Variants in PEAK1 observed in about 807,000 individuals in gnomAD.
The protein encoded by PEAK1 is inactive tyrosine-protein kinase PEAK1.
A neutral mutation model predicts 124.7 loss-of-function variants in PEAK1; 54 were observed. That is an observed-to-expected ratio of 0.43 (90% CI 0.35 to 0.54). PEAK1 has a LOEUF of 0.54. PEAK1 is among the 20% of genes least tolerant of loss of function. The pLI, the probability that PEAK1 is intolerant of heterozygous loss-of-function variation, is 0.01. For synonymous variants in PEAK1, 719 were observed against 760.0 expected (o/e 0.95, Z 0.89); for missense variants, 2,046 against 2,134.5 (o/e 0.96, Z 0.82).
chr15:77,154,244 CTTCT>C (rs1446777653), intron 8 of PEAK1, among the ~76,000 whole-genome samples: 2 of 152,158 alleles, frequency 1.3e-5, no homozygotes, highest in Non-Finnish European at 2.9e-5. Flanking sequence ...ATGTAATGGC[CTTCT>C]TTGTCTCTTT....
chr15:77,294,171 T>C (rs1416501279), intron 2 of PEAK1, among the ~76,000 whole-genome samples: 1 of 152,226 alleles, frequency 6.6e-6, no homozygotes, highest in East Asian at 1.9e-4. Context: ...CTTGATGGCC[T>C]GATCTCTGAA....
exon 7 of PEAK1, chr15:77,102,852 C>G (rs957558654): frequency 6.6e-6 from 1 of 152,092 alleles, no homozygotes; most frequent in Admixed American, 6.5e-5. Context: ...GTTCCTCCAA[C>G]TGACTCTGAA....
chr15:77,193,046 A>C (rs2057920954), intron 6 of PEAK1, among the ~76,000 whole-genome samples: 1 of 152,210 alleles, frequency 6.6e-6, no homozygotes, highest in African/African-American at 2.4e-5. Flanking sequence ...TCTTTCCCCA[A>C]ATTTACAATC....
chr15:77,339,721 T>C (rs148657099), intron 2 of PEAK1, among the ~76,000 whole-genome samples: 160 of 152,298 alleles, frequency 1.1e-3, no homozygotes, highest in African/African-American at 3.6e-3. Flanking sequence ...ACAAGTCACA[T>C]ACTGAGAGAA....
At chr15:77,255,155 C>G (rs1428026853) in intron 5 of PEAK1, among the ~76,000 whole-genome samples, 1 of 152,078 alleles carries the variant, frequency 6.6e-6, no homozygotes, top group Non-Finnish European at 1.5e-5. Context: ...TCTAAATTAT[C>G]AAAACAACGA....
chr15:77,405,284 G>T (rs756499236), intron 1 of PEAK1, among the ~76,000 whole-genome samples: 2 of 152,064 alleles, frequency 1.3e-5, no homozygotes, highest in Non-Finnish European at 2.9e-5. Context: ...GATTACAGGC[G>T]TGAGCCACCA....
intron 1 of PEAK1, among the ~76,000 whole-genome samples, chr15:77,387,685 T>G (rs958053974): frequency 4.6e-5 from 7 of 152,156 alleles, no homozygotes; most frequent in Admixed American, 2.6e-4. Context: ...TAAAGTTACT[T>G]GAGGAAGCTA....
chr15:77,368,795 G>A (rs753841929), intron 1 of PEAK1, among the ~76,000 whole-genome samples: 1 of 152,082 alleles, frequency 6.6e-6, no homozygotes, highest in African/African-American at 2.4e-5. Flanking sequence ...TGGGGACAAG[G>A]GATTACGACT....
chr15:77,259,158 A>G (rs1433590841), intron 5 of PEAK1, among the ~76,000 whole-genome samples: 2 of 152,178 alleles, frequency 1.3e-5, no homozygotes, highest in Admixed American at 1.3e-4. Context: ...TACAGATAAC[A>G]CTTACCAAAT....
At chr15:77,174,488 A>G (rs2056720066) in intron 7 of PEAK1, among the ~76,000 whole-genome samples, 1 of 152,202 alleles carries the variant, frequency 6.6e-6, no homozygotes, top group South Asian at 2.1e-4. Flanking sequence ...GTAAATACCA[A>G]TGGTGTATCC....
intron 6 of PEAK1, among the ~76,000 whole-genome samples, chr15:77,226,103 C>A (rs1039133529): frequency 4.5e-5 from 6 of 133,832 alleles, no homozygotes; most frequent in South Asian, 4.6e-4. Flanking sequence ...CACACATACA[C>A]ACATATATAT....
At chr15:77,285,746 C>T (rs955921741) in intron 3 of PEAK1, among the ~76,000 whole-genome samples, 2 of 151,838 alleles carry the variant, frequency 1.3e-5, no homozygotes, top group Non-Finnish European at 2.9e-5. Context: ...TTTGATTCTT[C>T]TCTCTTTTCT....
At chr15:77,221,385 T>G (rs2059384961) in intron 6 of PEAK1, among the ~76,000 whole-genome samples, 1 of 152,132 alleles carries the variant, frequency 6.6e-6, no homozygotes, top group African/African-American at 2.4e-5. Context: ...ATTAACCAGG[T>G]TTTATATTAA....
chr15:77,405,192 G>A (rs2071714122), intron 1 of PEAK1, among the ~76,000 whole-genome samples: 1 of 152,042 alleles, frequency 6.6e-6, no homozygotes, highest in Non-Finnish European at 1.5e-5. Context: ...TTTTAGTAGG[G>A]ATGGGGTTTC....
At chr15:77,269,912 C>T (rs1023074225) in intron 5 of PEAK1, among the ~76,000 whole-genome samples, 1 of 152,082 alleles carries the variant, frequency 6.6e-6, no homozygotes, top group African/African-American at 2.4e-5. Flanking sequence ...TTATTTCTGC[C>T]TTCATTTTGT....
chr15:77,267,574 T>C lies in PEAK1; in HGVS notation c.-274-15048A>G, dbSNP rs569709142. ...TACTCCCCTGTACTAGCCCAGAGCC[T>C]AACAGCTCTGCTGGGTGGCTAGATC... On this transcript the variant is annotated intron_variant, in intron 5 of 9. Transcript: ENST00000682557. Among the ~76,000 whole-genome samples, 3 of 152,264 alleles carry C rather than the reference T, an allele frequency of 2.0e-5. No individual in the cohort carries two copies. In the East Asian group the frequency reaches 5.8e-4, roughly 29 times the overall value.
chr15:77,204,104 G>T (rs1308623844), intron 6 of PEAK1, among the ~76,000 whole-genome samples: 3 of 149,390 alleles, frequency 2.0e-5, no homozygotes, highest in African/African-American at 7.3e-5. Flanking sequence ...GTGTGCAAAA[G>T]ACCTGAAGAA....
intron 2 of PEAK1, among the ~76,000 whole-genome samples, chr15:77,304,527 C>A (rs556359563): frequency 5.6e-4 from 81 of 144,288 alleles, no homozygotes; most frequent in Non-Finnish European, 9.4e-4. Context: ...CTGCTCACTG[C>A]AAGCTCTGCC....
At chr15:77,367,410 G>T (rs1177708786) in intron 1 of PEAK1, among the ~76,000 whole-genome samples, 1 of 152,212 alleles carries the variant, frequency 6.6e-6, no homozygotes, top group Non-Finnish European at 1.5e-5. Flanking sequence ...GGGCTTAAGA[G>T]AAGCTTTTAA....
Sources: gnomAD v4.1 joint callset for allele counts (sites outside exome capture counted in the v4.1 genomes callset) on GRCh38, gnomAD v4.1.1 for gene constraint, MANE v1.5 for transcripts, NCBI Gene and HGNC (gene_info 2026-07-23, HGNC 2026-07-21) for gene names.